Variants in SLC4A7 observed in about 807,000 individuals in gnomAD.
The protein encoded by SLC4A7 is solute carrier family 4 member 7.
A neutral mutation model predicts 137.6 loss-of-function variants in SLC4A7; 51 were observed. The observed-to-expected ratio is 0.37, with a 90% CI of 0.30 to 0.47. The LOEUF is 0.47. Ranked by LOEUF, SLC4A7 falls within the 20% of genes least tolerant of loss-of-function variation. The pLI, the probability that SLC4A7 is intolerant of heterozygous loss-of-function variation, is 1.00. For synonymous variants in SLC4A7, 542 were observed against 518.6 expected (o/e 1.05, Z -0.61); for missense variants, 1,247 against 1,525.4 (o/e 0.82, Z 3.04).
At chr3:27,380,654 C>CG (rs1465757216) in intron 24 of SLC4A7, among the ~76,000 whole-genome samples, 3 of 152,134 alleles carry the variant, frequency 2.0e-5, no homozygotes, top group African/African-American at 7.2e-5. Context: ...TCTGTTCATA[C>CG]TTAAAATCAG....
At chr3:27,399,573 C>T (rs1050661917) in intron 16 of SLC4A7, among the ~76,000 whole-genome samples, 1 of 152,072 alleles carries the variant, frequency 6.6e-6, no homozygotes, top group Admixed American at 6.6e-5. Context: ...AAGTTAGCTA[C>T]AGGCGCGAGT....
intron 24 of SLC4A7, 32 bp downstream of exon 24, chr3:27,383,121 T>G: frequency 1.3e-5 from 17 of 1,267,002 alleles, no homozygotes; most frequent in Non-Finnish European, 1.8e-5. Context: ...GACATGCATA[T>G]AAAAGTTTTA....
chr3:27,461,507 A>G (rs1303975609), intron 1 of SLC4A7, among the ~76,000 whole-genome samples: 6 of 152,098 alleles, frequency 3.9e-5, no homozygotes, highest in African/African-American at 1.4e-4. Context: ...ACAGGCCAGG[A>G]ATGGTGATAA....
At position 27,403,138 on chromosome 3, in the gene SLC4A7, C is replaced by T. The variant is rs1306816019; in HGVS notation, c.2321+1G>A. ...TATTAGGAGAAAAGAGAAATACTTA[C>T]GAGTAGCTGGTCAGTTTATCTAAGT... On this transcript the variant is annotated splice_donor_variant, in intron 15 of 25. Transcript: ENST00000454389. LOFTEE classifies it high-confidence loss of function. The T allele has an allele frequency of 1.9e-6, 3 of 1,599,086 alleles. No homozygotes were observed. Among genetic ancestry groups the T allele is most frequent in the Non-Finnish European group, 8.5e-7 (1 of 1,175,220 alleles).
Position 27,420,712 on chromosome 3 carries a change from G to C in SLC4A7, c.1500C>G (p.Leu500=), listed in dbSNP as rs746352019. ...YHEIGRSIAT[L]MTDEIFHDVA... is the part of the protein sequence containing the mutation. ...GTATTCTGATTACCTCATCTGTCAT[G>C]AGAGTGGCTATTGATCGTCCAATTT... Residue 500 remains leucine (L), a synonymous_variant, in exon 10 of 26, where the codon CTC becomes CTG. Coordinates refer to ENST00000454389, the MANE Select transcript of SLC4A7 (RefSeq NM_001321103.2). The C allele has an allele frequency of 5.0e-6, 8 of 1,610,314 alleles. No homozygotes were observed. Among genetic ancestry groups the C allele is most frequent in the Non-Finnish European group, 6.8e-6 (8 of 1,176,634 alleles).
At chr3:27,429,022 C>T (rs979754015) in intron 7 of SLC4A7, among the ~76,000 whole-genome samples, 2 of 152,036 alleles carry the variant, frequency 1.3e-5, no homozygotes, top group African/African-American at 4.8e-5. Context: ...AATCCCAGCA[C>T]TTTGGGAGGC....
intron 1 of SLC4A7, among the ~76,000 whole-genome samples, chr3:27,468,368 A>T (rs2059095616): frequency 6.6e-6 from 1 of 152,236 alleles, no homozygotes; most frequent in Non-Finnish European, 1.5e-5. Context: ...AACTGTACAT[A>T]AACATATGCA....
At chr3:27,382,160 C>T (rs539761340) in intron 24 of SLC4A7, among the ~76,000 whole-genome samples, 11 of 151,974 alleles carry the variant, frequency 7.2e-5, no homozygotes, top group African/African-American at 2.4e-4. Flanking sequence ...TGCTCTGTTG[C>T]CTAGGCTGGA....
intron 7 of SLC4A7, among the ~76,000 whole-genome samples, chr3:27,429,278 AAG>A (rs1314875006): frequency 1.5e-4 from 23 of 152,260 alleles, no homozygotes; most frequent in African/African-American, 5.3e-4. Flanking sequence ...ACAAAAAAAA[AAG>A]AGTTATAAAC....
At chr3:27,412,338 A>C (rs1222965620) in intron 11 of SLC4A7, among the ~76,000 whole-genome samples, 1 of 152,204 alleles carries the variant, frequency 6.6e-6, no homozygotes, top group Non-Finnish European at 1.5e-5. Context: ...TGTTACATCA[A>C]GAGATGCTGG....
chr3:27,400,125 C>A (rs953465677), intron 16 of SLC4A7, among the ~76,000 whole-genome samples: 5 of 152,170 alleles, frequency 3.3e-5, no homozygotes, highest in African/African-American at 1.2e-4. Flanking sequence ...ATATTTATTT[C>A]TAACTCCCAG....
intron 11 of SLC4A7, among the ~76,000 whole-genome samples, chr3:27,418,121 T>C (rs555408862): frequency 2.6e-5 from 4 of 152,254 alleles, no homozygotes; most frequent in East Asian, 3.9e-4. Flanking sequence ...CATCCATGCA[T>C]AGAATACAAC....
At chr3:27,436,589 G>A (rs1286268247) in intron 4 of SLC4A7, 41 bp from the exon 5 acceptor site, 1 of 1,222,450 alleles carries the variant, frequency 8.2e-7, no homozygotes, top group Admixed American at 2.1e-5. Context: ...AAGTAATGAA[G>A]ATTCCATTTG....
rs189525837 is a variant in SLC4A7, at chr3:27,417,854, C to A, written c.1659+632G>T. Reference sequence around the variant, plus strand: ...CCAAAAGTCTGGCAACACACACTGTCGGTGAGGATGCAGGGAAATAGGCCC... The same window carrying A: ...CCAAAAGTCTGGCAACACACACTGTAGGTGAGGATGCAGGGAAATAGGCCC... On this transcript the variant is annotated intron_variant, in intron 11 of 25. Coordinates refer to ENST00000454389, the MANE Select transcript of SLC4A7 (RefSeq NM_001321103.2). 5.9e-5 allele frequency among the ~76,000 whole-genome samples: 9 copies of A among 152,264 alleles called. No individual in the cohort carries two copies. The South Asian group carries it at 1.9e-3, about 32-fold the overall frequency.
chr3:27,462,649 G>A, intron 1 of SLC4A7: 1 of 178,948 alleles, frequency 5.6e-6, no homozygotes, highest in Non-Finnish European at 1.2e-5. Context: ...AAGACTTTGA[G>A]AATCACTACA....
At chr3:27,474,654 C>T (rs562375703) in intron 1 of SLC4A7, among the ~76,000 whole-genome samples, 6 of 152,020 alleles carry the variant, frequency 3.9e-5, no homozygotes, top group East Asian at 1.9e-4. Flanking sequence ...AATGAGATCA[C>T]GCCATTGCAC....
intron 3 of SLC4A7, among the ~76,000 whole-genome samples, chr3:27,439,176 T>C (rs1045194032): frequency 3.3e-5 from 5 of 152,184 alleles, no homozygotes; most frequent in Non-Finnish European, 7.3e-5. Context: ...TTCAATGGAA[T>C]TGTTTTCGTA....
chr3:27,446,902 T>TA (rs2057699831), intron 3 of SLC4A7, among the ~76,000 whole-genome samples: 4 of 137,394 alleles, frequency 2.9e-5, no homozygotes, highest in Non-Finnish European at 6.2e-5. Context: ...TTGTTTTTTT[T>TA]AAACAGAGTC....
chr3:27,481,996 G>A (rs1248083155), intron 1 of SLC4A7, among the ~76,000 whole-genome samples: 1 of 152,126 alleles, frequency 6.6e-6, no homozygotes, highest in African/African-American at 2.4e-5. Context: ...AGCCGAGTAT[G>A]GTGGCACATG....
Sources: gnomAD v4.1 joint callset for allele counts (sites outside exome capture counted in the v4.1 genomes callset) on GRCh38, gnomAD v4.1.1 for gene constraint, MANE v1.5 for transcripts, NCBI Gene and HGNC (gene_info 2026-07-23, HGNC 2026-07-21) for gene names.